Variants in ESR1 observed in about 807,000 individuals in gnomAD.
ESR1 encodes the protein estrogen receptor 1, also known as estrogen receptor.
ESR1 carries 12 observed loss-of-function variants against 52.7 expected under a neutral mutation model. That is an observed-to-expected ratio of 0.23 (90% CI 0.15 to 0.37). The LOEUF is 0.37. Among genes scored for constraint, ESR1 ranks in the 10% least tolerant of loss-of-function variants. ESR1 has a pLI of 1.00. For synonymous variants in ESR1, 305 were observed against 316.8 expected, an observed-to-expected ratio of 0.96 and a Z score of 0.39; for missense variants, 584 against 779.7, an observed-to-expected ratio of 0.75 and a Z score of 2.99.
chr6:151,942,105 C>T (rs147109057), intron 3 of ESR1, among the ~76,000 whole-genome samples: 227 of 152,232 alleles, frequency 1.5e-3, no homozygotes, highest in African/African-American at 5.3e-3. Context: ...ATAGCATCTC[C>T]CTTAATTCAG....
chr6:152,090,253 T>C (rs572107738), intron 6 of ESR1, among the ~76,000 whole-genome samples: 1 of 152,126 alleles, frequency 6.6e-6, no homozygotes, highest in Non-Finnish European at 1.5e-5. Context: ...ATCTCCTCCT[T>C]CTCCAAGCTG....
intron 2 of ESR1, among the ~76,000 whole-genome samples, chr6:151,864,419 A>G (rs1033844064): frequency 6.6e-6 from 1 of 152,162 alleles, no homozygotes; most frequent in Non-Finnish European, 1.5e-5. Flanking sequence ...AATGGTGATC[A>G]TTAGAAAGTC....
chr6:151,809,906 T>G (rs1778531154), intron 1 of ESR1, among the ~76,000 whole-genome samples: 1 of 151,974 alleles, frequency 6.6e-6, no homozygotes, highest in Non-Finnish European at 1.5e-5. Context: ...GTACAGCGAT[T>G]AAGTCTAATT....
chr6:151,746,575 G>A (rs960708560), intron 2 of ESR1, among the ~76,000 whole-genome samples: 2 of 152,208 alleles, frequency 1.3e-5, no homozygotes, highest in African/African-American at 4.8e-5. Context: ...GTGATTACAT[G>A]TGATATGGTA....
At chr6:152,123,886 C>G (rs1276648364) in intron 6 of ESR1, among the ~76,000 whole-genome samples, 1 of 152,152 alleles carries the variant, frequency 6.6e-6, no homozygotes, top group Non-Finnish European at 1.5e-5. Context: ...CACCTATTAC[C>G]TATTAATTTC....
At chr6:151,831,191 G>A (rs182719333) in intron 1 of ESR1, among the ~76,000 whole-genome samples, 15 of 149,332 alleles carry the variant, frequency 1.0e-4, no homozygotes, top group African/African-American at 3.5e-4. Context: ...CACCCATGCT[G>A]GAGTGCAGTG....
chr6:152,050,114 A>G (rs1289895884), intron 5 of ESR1, among the ~76,000 whole-genome samples: 1 of 152,244 alleles, frequency 6.6e-6, no homozygotes, highest in East Asian at 1.9e-4. Flanking sequence ...AATAGCAACA[A>G]AGTGAAATAT....
intron 2 of ESR1, among the ~76,000 whole-genome samples, chr6:151,781,039 A>G (rs989611951): frequency 2.6e-5 from 4 of 152,228 alleles, no homozygotes; most frequent in Non-Finnish European, 4.4e-5. Context: ...CAAACTATAC[A>G]TTTCTTCTAA....
intron 1 of ESR1, among the ~76,000 whole-genome samples, chr6:151,661,862 C>T (rs1027351495): frequency 6.6e-6 from 1 of 152,214 alleles, no homozygotes; most frequent in African/African-American, 2.4e-5. Flanking sequence ...TGCCTTGTTT[C>T]CCCTTTGCCT....
At chr6:151,833,941 GA>G (rs1365982020) in intron 1 of ESR1, among the ~76,000 whole-genome samples, 1 of 151,984 alleles carries the variant, frequency 6.6e-6, no homozygotes, top group Non-Finnish European at 1.5e-5. Flanking sequence ...ACAAACATAT[GA>G]AAAAAATCTC....
intron 6 of ESR1, among the ~76,000 whole-genome samples, chr6:152,111,397 C>T (rs2051134636): frequency 6.6e-6 from 1 of 152,186 alleles, no homozygotes. Flanking sequence ...GAGCCAGTCG[C>T]CCCAAGGGTT....
At chr6:152,084,235 A>G (rs1161828768) in intron 6 of ESR1, among the ~76,000 whole-genome samples, 1 of 151,516 alleles carries the variant, frequency 6.6e-6, no homozygotes, top group East Asian at 1.9e-4. Flanking sequence ...GAACACATGG[A>G]CACAGCACAA....
At chr6:152,067,827 C>G (rs931429378) in intron 6 of ESR1, among the ~76,000 whole-genome samples, 1 of 152,092 alleles carries the variant, frequency 6.6e-6, no homozygotes, top group Non-Finnish European at 1.5e-5. Context: ...AACTCCATCT[C>G]AAAAAATTTT....
Position 151,987,281 on chromosome 6 carries a change from CAG to C in ESR1, c.1097-24372_1097-24371del, listed in dbSNP as rs571268710. On this transcript the variant is annotated intron_variant, in intron 4 of 7. Coordinates refer to ENST00000206249, the MANE Select transcript of ESR1 (RefSeq NM_000125.4). ...TTAAAATTATTCTTTTGTTTTGAGA[CAG>C]AGTCTTGCTCTGTTGCCCAGGCTGG... Among the ~76,000 whole-genome samples the C allele has an allele frequency of 1.8e-4, 28 of 152,138 alleles. No homozygotes were observed. In the South Asian group the frequency reaches 5.4e-3, roughly 29 times the overall value.
chr6:151,873,511 C>T (rs1022138775), intron 2 of ESR1, among the ~76,000 whole-genome samples: 4 of 152,140 alleles, frequency 2.6e-5, no homozygotes, highest in East Asian at 1.9e-4. Context: ...AGAGCAGGAA[C>T]GGCTCTTGGA....
intron 4 of ESR1, among the ~76,000 whole-genome samples, chr6:151,993,190 T>C (rs569483161): frequency 6.6e-6 from 1 of 152,286 alleles, no homozygotes; most frequent in African/African-American, 2.4e-5. Context: ...TTTATATATA[T>C]GTAAAATACA....
rs370266091 is a variant in ESR1 at position 151,975,877 on chromosome 6, C to T, written c.1096+31369C>T. On this transcript the variant is annotated intron_variant, in intron 4 of 7. Coordinates refer to ENST00000206249, the MANE Select transcript of ESR1 (RefSeq NM_000125.4). ...TCTATAAACCTAAGGTTTAGAGAAA[C>T]GCTGGTCATTCTGAACAATTCCCTG... is the stretch of plus-strand genomic sequence containing the variant. Among the ~76,000 whole-genome samples, 8 of 152,224 alleles carry T rather than the reference C, an allele frequency of 5.3e-5. No homozygotes were observed. In the East Asian group the frequency reaches 9.6e-4, roughly 18 times the overall value.
At chr6:151,849,663 T>C (rs1453401049) in intron 2 of ESR1, among the ~76,000 whole-genome samples, 1 of 150,494 alleles carries the variant, frequency 6.6e-6, no homozygotes, top group African/African-American at 2.4e-5. Flanking sequence ...AAAATAATAA[T>C]GATAGATAAA....
intron 5 of ESR1, among the ~76,000 whole-genome samples, chr6:152,025,019 T>C (rs939500905): frequency 6.7e-6 from 1 of 150,006 alleles, no homozygotes; most frequent in Admixed American, 6.6e-5. Flanking sequence ...TAATGTCTTC[T>C]AAAAATAGTA....
Sources: allele counts gnomAD v4.1 joint callset (sites outside exome capture counted in the v4.1 genomes callset), GRCh38; gene constraint gnomAD v4.1.1; transcripts MANE v1.5; gene names NCBI Gene and HGNC (gene_info 2026-07-23, HGNC 2026-07-21).